PTPRD: variants seen among roughly 807,000 people sequenced by gnomAD.
PTPRD encodes protein tyrosine phosphatase receptor type D.
PTPRD carries 34 observed loss-of-function variants against 214.5 expected under a neutral mutation model. The ratio of observed to expected loss-of-function variants is 0.16; its 90% CI spans 0.12 to 0.21. PTPRD has a LOEUF of 0.21. Among genes scored for constraint, PTPRD ranks in the 10% least tolerant of loss-of-function variants. The probability of loss-of-function intolerance (pLI) is 1.00; values close to 1 mark genes in which losing one functional copy is unlikely to be tolerated. For missense variants in PTPRD, 2,545 were observed against 2,398.7 expected (o/e 1.06, Z -1.27); for synonymous variants, 1,128 against 845.7 (o/e 1.33, Z -5.79).
intron 6 of PTPRD, among the ~76,000 whole-genome samples, chr9:9,760,706 T>C (rs1011889495): frequency 3.3e-5 from 5 of 149,770 alleles, no homozygotes; most frequent in Non-Finnish European, 7.4e-5. Context: ...ACTCAGCAGT[T>C]TACAAATAAT....
chr9:9,886,622 T>C (rs548314366), intron 5 of PTPRD, among the ~76,000 whole-genome samples: 1 of 152,172 alleles, frequency 6.6e-6, no homozygotes, highest in Admixed American at 6.5e-5. Flanking sequence ...TGAAAAGAGG[T>C]GTCTATAATC....
At chr9:9,283,104 G>C (rs973733674) in intron 9 of PTPRD, among the ~76,000 whole-genome samples, 3 of 151,126 alleles carry the variant, frequency 2.0e-5, no homozygotes, top group East Asian at 2.0e-4. Context: ...AGAATACATA[G>C]GAAAGCTGTT....
At chr9:10,485,256 G>T (rs543863700) in intron 2 of PTPRD, among the ~76,000 whole-genome samples, 2 of 152,108 alleles carry the variant, frequency 1.3e-5, no homozygotes, top group Admixed American at 6.5e-5. Context: ...TGATGTTTAG[G>T]TTACTATAGC....
chr9:9,374,370 C>T (rs1196480513), intron 9 of PTPRD, among the ~76,000 whole-genome samples: 1 of 151,800 alleles, frequency 6.6e-6, no homozygotes, highest in Non-Finnish European at 1.5e-5. Context: ...AAAGTCAAAA[C>T]AAAATTATAT....
chr9:8,980,728 C>A (rs1589250560), intron 11 of PTPRD, among the ~76,000 whole-genome samples: 1 of 152,146 alleles, frequency 6.6e-6, no homozygotes, highest in Admixed American at 6.6e-5. Flanking sequence ...AGCCCCAAAT[C>A]CCTACCTTGA....
At chr9:9,588,215 A>C (rs2092311070) in intron 7 of PTPRD, among the ~76,000 whole-genome samples, 3 of 151,924 alleles carry the variant, frequency 2.0e-5, no homozygotes, top group South Asian at 2.1e-4. Flanking sequence ...GACTAACCTT[A>C]GTCCTTATCG....
chr9:9,006,361 C>T (rs535254445), intron 11 of PTPRD, among the ~76,000 whole-genome samples: 3 of 152,060 alleles, frequency 2.0e-5, no homozygotes, highest in East Asian at 1.9e-4. Context: ...CAAGAATGAA[C>T]AAAACATATA....
intron 12 of PTPRD, among the ~76,000 whole-genome samples, chr9:8,639,670 A>G (rs1260640874): frequency 6.6e-5 from 10 of 152,240 alleles, no homozygotes; most frequent in African/African-American, 2.4e-4. Flanking sequence ...AGAGTTGGCA[A>G]TTCTGACAAT....
intron 2 of PTPRD, among the ~76,000 whole-genome samples, chr9:10,572,485 G>A (rs1392437726): frequency 1.3e-5 from 2 of 152,132 alleles, no homozygotes; most frequent in African/African-American, 4.8e-5. Flanking sequence ...TTCCTATGAG[G>A]TAAAGTGGGA....
intron 3 of PTPRD, among the ~76,000 whole-genome samples, chr9:10,217,377 C>T (rs1391916241): frequency 6.6e-6 from 1 of 151,880 alleles, no homozygotes. Flanking sequence ...CTCAGCCTCC[C>T]CCTCCTCCAT....
chr9:8,616,157 CCTGA>C (rs1300498962), intron 14 of PTPRD, among the ~76,000 whole-genome samples: 2 of 152,232 alleles, frequency 1.3e-5, no homozygotes, highest in Admixed American at 1.3e-4. Context: ...AACCTCATAT[CCTGA>C]CTTTCTAACC....
chr9:9,441,580 A>T (rs2087828771), intron 8 of PTPRD, among the ~76,000 whole-genome samples: 1 of 152,236 alleles, frequency 6.6e-6, no homozygotes, highest in South Asian at 2.1e-4. Context: ...TGAGATACTC[A>T]TTTCAGGAAT....
At chr9:9,452,830 T>C (rs1007478836) in intron 8 of PTPRD, among the ~76,000 whole-genome samples, 1 of 151,512 alleles carries the variant, frequency 6.6e-6, no homozygotes, top group African/African-American at 2.4e-5. Context: ...TAAAGAACAC[T>C]AAGCTATTTC....
chr9:10,256,679 T>A (rs1205607388), intron 3 of PTPRD, among the ~76,000 whole-genome samples: 1 of 152,174 alleles, frequency 6.6e-6, no homozygotes, highest in East Asian at 1.9e-4. Flanking sequence ...TCCGTCCCAT[T>A]AAAGTCTTAA....
At chr9:9,476,015 C>T (rs1045041551) in intron 8 of PTPRD, among the ~76,000 whole-genome samples, 26 of 152,090 alleles carry the variant, frequency 1.7e-4, no homozygotes, top group African/African-American at 6.0e-4. Flanking sequence ...GTCTCATAGA[C>T]TGTACATTAT....
At chr9:8,390,340 A>G (rs10977028) in intron 36 of PTPRD, among the ~76,000 whole-genome samples, 1 of 151,968 alleles carries the variant, frequency 6.6e-6, no homozygotes, top group Non-Finnish European at 1.5e-5. Flanking sequence ...AACTCTAGAC[A>G]CTGGTCTGCT....
intron 3 of PTPRD, among the ~76,000 whole-genome samples, chr9:10,095,479 T>C (rs1394982514): frequency 6.6e-6 from 1 of 151,654 alleles, no homozygotes; most frequent in East Asian, 2.0e-4. Context: ...CTGACATGAA[T>C]GCAGTCTTAT....
chr9:8,397,265 G>C (rs990498956), intron 36 of PTPRD, among the ~76,000 whole-genome samples: 10 of 151,956 alleles, frequency 6.6e-5, no homozygotes, highest in Non-Finnish European at 1.0e-4. Flanking sequence ...AGAGAAATCC[G>C]GAGGGAGAAA....
At chr9:8,587,702 T>C (rs2093776184) in intron 14 of PTPRD, among the ~76,000 whole-genome samples, 1 of 152,168 alleles carries the variant, frequency 6.6e-6, no homozygotes, top group Admixed American at 6.5e-5. Flanking sequence ...TCAACGGCCT[T>C]GGAAAGCTGT....
Sources: gnomAD v4.1 joint callset for allele counts (sites outside exome capture counted in the v4.1 genomes callset) on GRCh38, gnomAD v4.1.1 for gene constraint, MANE v1.5 for transcripts, NCBI Gene and HGNC (gene_info 2026-07-23, HGNC 2026-07-21) for gene names.